Variants in DPYD observed in about 807,000 individuals in gnomAD.
DPYD encodes dihydropyrimidine dehydrogenase.
DPYD carries 109 observed loss-of-function variants against 116.2 expected under a neutral mutation model. That is an observed-to-expected ratio of 0.94 (90% CI 0.80 to 1.10). The LOEUF is 1.10. Among genes scored for constraint, DPYD ranks in the 50% least tolerant of loss-of-function variants. DPYD has a pLI of 0.00. For synonymous variants in DPYD, 440 were observed against 432.0 expected (o/e 1.02, Z -0.23); for missense variants, 1,302 against 1,254.5 (o/e 1.04, Z -0.57).
At chr1:97,240,634 TATA>T (rs1354965725) in intron 18 of DPYD, among the ~76,000 whole-genome samples, 1 of 152,040 alleles carries the variant, frequency 6.6e-6, no homozygotes, top group Non-Finnish European at 1.5e-5. Flanking sequence ...TTAATTAAAA[TATA>T]ATGAATTAAG....
At chr1:97,170,665 T>C (rs940478064) in intron 20 of DPYD, among the ~76,000 whole-genome samples, 7 of 151,804 alleles carry the variant, frequency 4.6e-5, no homozygotes, top group African/African-American at 1.2e-4. Flanking sequence ...TTAAATACTT[T>C]CTTCTTTCCA....
intron 3 of DPYD, among the ~76,000 whole-genome samples, chr1:97,807,975 G>C (rs531184617): frequency 2.6e-5 from 4 of 151,974 alleles, no homozygotes; most frequent in Admixed American, 2.6e-4. Context: ...CTCATTGATC[G>C]TGTCTATCCT....
At chr1:97,594,838 G>A (rs955296776) in intron 9 of DPYD, among the ~76,000 whole-genome samples, 1 of 151,908 alleles carries the variant, frequency 6.6e-6, no homozygotes, top group Non-Finnish European at 1.5e-5. Context: ...ATATATTACA[G>A]TGAAAATTCC....
At chr1:97,165,706 G>C (rs997711525) in intron 20 of DPYD, among the ~76,000 whole-genome samples, 6 of 152,066 alleles carry the variant, frequency 3.9e-5, no homozygotes, top group African/African-American at 1.4e-4. Context: ...AATCAATAAG[G>C]AACTTAAACA....
At chr1:97,505,906 G>C (rs1647290846) in intron 13 of DPYD, among the ~76,000 whole-genome samples, 1 of 151,952 alleles carries the variant, frequency 6.6e-6, no homozygotes, top group African/African-American at 2.4e-5. Context: ...AGGATGAAAA[G>C]GGCAATGGGC....
intron 3 of DPYD, among the ~76,000 whole-genome samples, chr1:97,815,910 C>T (rs1322024843): frequency 8.5e-5 from 13 of 152,132 alleles, no homozygotes; most frequent in African/African-American, 2.9e-4. Context: ...TGGCCTTTGA[C>T]AGGAGCAAGG....
chr1:97,721,459 T>G (rs764851506), intron 5 of DPYD, 51 bp downstream of exon 5: 2 of 1,603,182 alleles, frequency 1.2e-6, no homozygotes, highest in Non-Finnish European at 1.7e-6. Flanking sequence ...TTTTAAGATA[T>G]TTGTGCATGG....
At chr1:97,398,534 A>T (rs903012209) in intron 14 of DPYD, among the ~76,000 whole-genome samples, 13 of 152,160 alleles carry the variant, frequency 8.5e-5, no homozygotes, top group South Asian at 4.1e-4. Context: ...TGACTTCACA[A>T]TGGTTGAACT....
intron 10 of DPYD, among the ~76,000 whole-genome samples, chr1:97,591,284 C>T (rs192335519): frequency 6.6e-5 from 10 of 152,252 alleles, no homozygotes; most frequent in Non-Finnish European, 1.3e-4. Context: ...TAATTTTTCT[C>T]CACAGTTCTA....
intron 19 of DPYD, among the ~76,000 whole-genome samples, chr1:97,216,019 G>T (rs1445147912): frequency 6.6e-6 from 1 of 152,166 alleles, no homozygotes; most frequent in Non-Finnish European, 1.5e-5. Flanking sequence ...AATACTAGAG[G>T]CTACTGATAA....
intron 20 of DPYD, among the ~76,000 whole-genome samples, chr1:97,131,869 C>CTT (rs147176023): frequency 6.6e-6 from 1 of 152,136 alleles, no homozygotes; most frequent in African/African-American, 2.4e-5. Context: ...CTAGGGTTAC[C>CTT]TTTTTTTGTA....
intron 1 of DPYD, among the ~76,000 whole-genome samples, chr1:97,907,856 T>G (rs1673720393): frequency 6.6e-6 from 1 of 152,076 alleles, no homozygotes; most frequent in African/African-American, 2.4e-5. Flanking sequence ...AACAGAAATT[T>G]ACTGCCTCAC....
chr1:97,425,615 T>C (rs936662220), intron 14 of DPYD, among the ~76,000 whole-genome samples: 1 of 152,080 alleles, frequency 6.6e-6, no homozygotes, highest in African/African-American at 2.4e-5. Flanking sequence ...GCATCTATAA[T>C]GATTCATATA....
intron 8 of DPYD, 86 bp downstream of exon 8, chr1:97,679,009 T>C (rs1440675392): frequency 4.4e-5 from 26 of 593,434 alleles, no homozygotes; most frequent in Non-Finnish European, 6.8e-5. Context: ...ATCACGAAAA[T>C]GTCTGAAGGC....
At chr1:97,594,035 C>G (rs1009542496) in intron 9 of DPYD, among the ~76,000 whole-genome samples, 8 of 152,070 alleles carry the variant, frequency 5.3e-5, no homozygotes, top group Admixed American at 1.3e-4. Context: ...TCAAGGTCAT[C>G]TCTATTAAGA....
chr1:97,375,550 G>T (rs1451990915), intron 15 of DPYD, among the ~76,000 whole-genome samples: 1 of 152,158 alleles, frequency 6.6e-6, no homozygotes, highest in Non-Finnish European at 1.5e-5. Flanking sequence ...TTTGAGAGTT[G>T]CTGAAAACCA....
chr1:97,891,718 T>C (rs937545081), intron 1 of DPYD, among the ~76,000 whole-genome samples: 2 of 151,816 alleles, frequency 1.3e-5, no homozygotes, highest in African/African-American at 2.4e-5. Context: ...CCTAAAACAT[T>C]GGAGCTTCAG....
At chr1:97,209,812 T>A (rs749868891) in intron 19 of DPYD, among the ~76,000 whole-genome samples, 4 of 152,178 alleles carry the variant, frequency 2.6e-5, no homozygotes, top group African/African-American at 4.8e-5. Flanking sequence ...GCCAGCTATC[T>A]GAAACAAAGG....
At chr1:97,094,833 T>C (rs1267875141) in intron 21 of DPYD, among the ~76,000 whole-genome samples, 1 of 152,158 alleles carries the variant, frequency 6.6e-6, no homozygotes, top group Non-Finnish European at 1.5e-5. Flanking sequence ...ACCAACATCA[T>C]GTTCTTTCAA....
Sources: allele counts gnomAD v4.1 joint callset (sites outside exome capture counted in the v4.1 genomes callset), GRCh38; gene constraint gnomAD v4.1.1; transcripts MANE v1.5; gene names NCBI Gene and HGNC (gene_info 2026-07-23, HGNC 2026-07-21).